The following UTP20 variants were observed in gnomAD, a reference collection of about 807,000 sequenced individuals.
UTP20 encodes the protein UTP20 small subunit processome component.
A neutral mutation model predicts 329.5 loss-of-function variants in UTP20; 164 were observed. That is an observed-to-expected ratio of 0.50 (90% CI 0.44 to 0.57). UTP20 has a LOEUF of 0.57. Among genes scored for constraint, UTP20 ranks in the 20% least tolerant of loss-of-function variants. The pLI is 0.00. For missense variants in UTP20, 3,055 were observed against 3,284.2 expected, an observed-to-expected ratio of 0.93 and a Z score of 1.71; for synonymous variants, 1,151 against 1,159.3, an observed-to-expected ratio of 0.99 and a Z score of 0.14.
At chr12:101,306,476 A>G (rs1231591158) in intron 16 of UTP20, among the ~76,000 whole-genome samples, 2 of 152,216 alleles carry the variant, frequency 1.3e-5, no homozygotes, top group East Asian at 1.9e-4. Flanking sequence ...AGACATGGTT[A>G]TAGTGTCATA....
At chr12:101,384,104 CAGAA>C (rs1194944759) in intron 60 of UTP20, among the ~76,000 whole-genome samples, 1 of 152,050 alleles carries the variant, frequency 6.6e-6, no homozygotes, top group Non-Finnish European at 1.5e-5. Flanking sequence ...TCTGCTGTCC[CAGAA>C]AGAATGTTTC....
intron 43 of UTP20, among the ~76,000 whole-genome samples, chr12:101,358,418 CAAGAG>C: frequency 2.6e-5 from 4 of 152,312 alleles, no homozygotes; most frequent in Middle Eastern, 3.4e-3. Flanking sequence ...TTTAAGCACT[CAAGAG>C]GAGAGTAGTC....
In UTP20 at chr12:101,373,610, T is replaced by C. The variant is rs1434644685; in HGVS notation, c.6974T>C (p.Met2325Thr). The C allele has an allele frequency of 1.9e-6, 3 of 1,611,710 alleles. No individual in the cohort carries two copies. In the African/African-American group the frequency reaches 4.0e-5, roughly 22 times the overall value. ...GGGCTGCTCCATGAGAACTGCGGAA[T>C]GTTCTTTATCCCTCTTTGTCTAATG... ...PQGLLHENCGMFFIPLCLMTI... is the reference protein window; with the variant it reads ...PQGLLHENCGTFFIPLCLMTI... The change falls in exon 54 of 62, where the codon ATG becomes ACG. Residue 2325 changes from methionine to threonine, a missense_variant. Coordinates refer to ENST00000261637, the MANE Select transcript of UTP20 (RefSeq NM_014503.3).
chr12:101,317,457 G>C (rs1184868454), intron 21 of UTP20, 21 bp from the exon 22 acceptor site: 1 of 1,611,786 alleles, frequency 6.2e-7, no homozygotes, highest in Non-Finnish European at 8.5e-7. Flanking sequence ...TCAGTATCCT[G>C]TGACTTTCTT....
At chr12:101,342,885 G>T in intron 34 of UTP20, 48 bp downstream of exon 34, 1 of 1,609,564 alleles carries the variant, frequency 6.2e-7, no homozygotes, top group South Asian at 1.1e-5. Flanking sequence ...TATCATTTTT[G>T]TTTACTGAAG....
At chr12:101,287,120 G>A (rs1565784010) in intron 5 of UTP20, among the ~76,000 whole-genome samples, 1 of 152,316 alleles carries the variant, frequency 6.6e-6, no homozygotes, top group South Asian at 2.1e-4. Context: ...TTGTTTTCAT[G>A]TTCTATAATT....
At chr12:101,286,947 A>T (rs1183908490) in intron 5 of UTP20, among the ~76,000 whole-genome samples, 1 of 152,206 alleles carries the variant, frequency 6.6e-6, no homozygotes, top group African/African-American at 2.4e-5. Context: ...TTCCCCAGCC[A>T]CTAATACTTA....
Position 101,290,987 on chromosome 12 carries a change from A to G in UTP20, c.891+99A>G, listed in dbSNP as rs184791166. The G allele has an allele frequency of 1.9e-4, 242 of 1,293,102 alleles. No individual in the cohort carries two copies. The African/African-American group carries it at 3.3e-3, about 18-fold the overall frequency. The allele number at this position is 1,293,102 out of a possible 1,614,324, so 80.1% of individuals were successfully genotyped here. On this transcript the variant is annotated intron_variant, in intron 8 of 61. Coordinates refer to ENST00000261637, the MANE Select transcript of UTP20 (RefSeq NM_014503.3). ...AAATCACTCCTAGAAGTTATATTTTATAATTGTTTTATTTATACTTCTGTA... is the reference window on the plus strand; with the variant it reads ...AAATCACTCCTAGAAGTTATATTTTGTAATTGTTTTATTTATACTTCTGTA...
At position 101,291,833 on chromosome 12, in the gene UTP20, T is replaced by C. The variant is rs780516465; in HGVS notation, c.983T>C (p.Ile328Thr). 1 of 1,613,940 alleles carries C rather than the reference T, an allele frequency of 6.2e-7. No individual in the cohort carries two copies. The highest frequency in any genetic ancestry group is 2.2e-5 in the East Asian group (1 of 44,884). The part of the protein sequence containing the change: ...QIKRLLETYL[I>T]LVKHGSGTKI... ...AAAAGGTTGTTGGAAACATACCTTA[T>C]ACTTGTAAAACATGGAAGTGGGACA... Residue 328 changes from isoleucine to threonine, a missense_variant, in exon 9 of 62, where the codon ATA (isoleucine) becomes ACA (threonine). Transcript: ENST00000261637.
chr12:101,338,643 A>C (rs540862795), intron 30 of UTP20, among the ~76,000 whole-genome samples, 170 bp from the exon 31 acceptor site: 29 of 152,330 alleles, frequency 1.9e-4, no homozygotes, highest in Admixed American at 1.2e-3. Flanking sequence ...TAATATAGCT[A>C]TTTTGAATAA....
Position 101,291,828 on chromosome 12 carries a change from C to T in UTP20, c.978C>T (p.Tyr326=). 6.2e-7 allele frequency: 1 copy of T among 1,613,844 alleles called. No homozygotes were observed. Residue 326 remains tyrosine (Y), a synonymous_variant, in exon 9 of 62, where the codon TAC becomes TAT. Transcript: ENST00000261637. ...SEQIKRLLET[Y]LILVKHGSGT... is the part of the protein sequence containing the mutation. The stretch of plus-strand genomic sequence containing the variant: ...AGATTAAAAGGTTGTTGGAAACATA[C>T]CTTATACTTGTAAAACATGGAAGTG...
rs1278420231 is a variant in UTP20, at chr12:101,369,867, C to G, written c.6531C>G (p.Phe2177Leu). The change falls in exon 49 of 62, where the codon TTC becomes TTG. Residue 2177 changes from phenylalanine (F) to leucine (L), a missense_variant. This residue lies in a region of UTP20 where 2,445 missense variants were observed against 2,575.5 expected (regional missense o/e 0.95). Coordinates refer to ENST00000261637, the MANE Select transcript of UTP20 (RefSeq NM_014503.3). ...AKLGAARGQNFHLVVNCFKCV... is the reference protein window; with the variant it reads ...AKLGAARGQNLHLVVNCFKCV... ...TCGGGGCCGCCAGGGGCCAGAACTT[C>G]CACCTTGTGGTCAATTGTTTCAAGG... The G allele has an allele frequency of 1.2e-6, 2 of 1,613,902 alleles. No individual in the cohort carries two copies. Among genetic ancestry groups the G allele is most frequent in the South Asian group, 2.2e-5 (2 of 91,062 alleles).
chr12:101,345,433 C>CT (rs1012229188), intron 36 of UTP20, 121 bp from the exon 37 acceptor site: 3,896 of 641,510 alleles, frequency 6.1e-3, no homozygotes, highest in South Asian at 8.2e-3. Context: ...GCAATCCTGA[C>CT]TTTTTTTTTT....
intron 39 of UTP20, 76 bp downstream of exon 39, chr12:101,352,270 G>T (rs567603408): frequency 6.9e-7 from 1 of 1,457,128 alleles, no homozygotes; most frequent in Non-Finnish European, 9.3e-7. Flanking sequence ...TGGTATATAT[G>T]TGCCACATTT....
intron 56 of UTP20, among the ~76,000 whole-genome samples, chr12:101,379,024 T>C (rs757344920): frequency 5.3e-5 from 8 of 152,234 alleles, no homozygotes; most frequent in South Asian, 2.1e-4. Context: ...AATGATCCAA[T>C]TGGGGTAATG....
intron 2 of UTP20, among the ~76,000 whole-genome samples, chr12:101,282,514 G>A (rs935649177): frequency 1.3e-5 from 2 of 152,100 alleles, no homozygotes; most frequent in Non-Finnish European, 2.9e-5. Context: ...GGCAACTGGT[G>A]AGATAAAGCT....
rs774823050 is a variant in UTP20 at position 101,327,088 on chromosome 12, T to C, written c.3049T>C (p.Tyr1017His). 1.3e-6 allele frequency: 2 copies of C among 1,594,898 alleles called. No individual in the cohort carries two copies. The highest frequency in any genetic ancestry group is 1.7e-6 in the Non-Finnish European group (2 of 1,165,090). The change falls in exon 26 of 62, where the codon TAT (tyrosine) becomes CAT (histidine). Residue 1017 changes from tyrosine (Y) to histidine (H), a missense_variant. Around this residue, in one of 3 missense-constraint regions of UTP20, gnomAD observed 2,445 missense variants for 2,575.5 expected, o/e 0.95. Transcript: ENST00000261637. ...GTGCTTTTGCCTTTTCAGAATTTTG[T>C]ATGGGCGAATGAAGAATAAGACTGG... is the stretch of plus-strand genomic sequence containing the variant. ...DLFPILMRILYGRMKNKTGSK... is the reference protein window; with the variant it reads ...DLFPILMRILHGRMKNKTGSK...
chr12:101,334,614 C>A, intron 29 of UTP20, 110 bp downstream of exon 29: 1 of 843,596 alleles, frequency 1.2e-6, no homozygotes, highest in South Asian at 1.8e-5. Context: ...ATACAGTGAA[C>A]TACTTTTGGT....
intron 39 of UTP20, 116 bp from the exon 40 acceptor site, chr12:101,352,931 A>T (rs531108395): frequency 4.0e-6 from 2 of 494,342 alleles, no homozygotes; most frequent in Admixed American, 4.0e-5. Flanking sequence ...TGTTAAAATT[A>T]AAAATACTAA....
Sources: gnomAD v4.1 joint callset for allele counts (sites outside exome capture counted in the v4.1 genomes callset) on GRCh38, gnomAD v4.1.1 for gene constraint, gnomAD v4.1.1 regional missense constraint, MANE v1.5 for transcripts, NCBI Gene and HGNC (gene_info 2026-07-23, HGNC 2026-07-21) for gene names.